The following POLR3B variants were observed in gnomAD, a reference collection of about 807,000 sequenced individuals.
The protein encoded by POLR3B is RNA polymerase III subunit B.
A neutral mutation model predicts 147.4 loss-of-function variants in POLR3B; 96 were observed. That is an observed-to-expected ratio of 0.65 (90% CI 0.55 to 0.77). The LOEUF (loss-of-function observed/expected upper bound fraction) is 0.77. POLR3B is among the 30% of genes least tolerant of loss of function. The pLI is 0.00. For missense variants in POLR3B, 1,036 were observed against 1,413.5 expected, an observed-to-expected ratio of 0.73 and a Z score of 4.28; for synonymous variants, 461 against 485.9, an observed-to-expected ratio of 0.95 and a Z score of 0.67.
chr12:106,477,273 C>T (rs111927597), intron 23 of POLR3B, among the ~76,000 whole-genome samples: 52 of 103,952 alleles, frequency 5.0e-4, no homozygotes, highest in African/African-American at 2.3e-3. Flanking sequence ...CTCTTCAAAG[C>T]TGTCAGACAG....
At chr12:106,382,571 C>T (rs902143249) in intron 9 of POLR3B, among the ~76,000 whole-genome samples, 5 of 152,194 alleles carry the variant, frequency 3.3e-5, no homozygotes, top group African/African-American at 1.2e-4. Flanking sequence ...AAACATTAAT[C>T]TCCTTGTACA....
chr12:106,372,252 G>A (rs1018176140), intron 6 of POLR3B, among the ~76,000 whole-genome samples: 8 of 151,048 alleles, frequency 5.3e-5, no homozygotes, highest in Non-Finnish European at 1.0e-4. Context: ...CTCACCTTTC[G>A]TCCCATTCCC....
chr12:106,358,272 C>G, intron 1 of POLR3B: 1 of 1,303,256 alleles, frequency 7.7e-7, no homozygotes, highest in Non-Finnish European at 9.8e-7. Flanking sequence ...GGACGTATTG[C>G]ATGTTTGCAG....
intron 16 of POLR3B, 117 bp downstream of exon 16, chr12:106,433,989 A>G: frequency 1.2e-6 from 1 of 835,120 alleles, no homozygotes; most frequent in South Asian, 1.6e-5. Flanking sequence ...GTGAAGATAA[A>G]TTTAATTCCG....
At chr12:106,469,611 T>C (rs1306743880) in intron 23 of POLR3B, among the ~76,000 whole-genome samples, 1 of 152,238 alleles carries the variant, frequency 6.6e-6, no homozygotes, top group Non-Finnish European at 1.5e-5. Flanking sequence ...CCATGTTTAG[T>C]GCTTCCTTCA....
At chr12:106,430,197 T>G (rs2037488852) in intron 13 of POLR3B, 76 bp from the exon 14 acceptor site, 2 of 1,086,974 alleles carry the variant, frequency 1.8e-6, no homozygotes, top group African/African-American at 1.5e-5. Flanking sequence ...GTAATGAACT[T>G]CTTGGAGTGA....
chr12:106,504,405 G>A lies in POLR3B; in HGVS notation c.3272+151G>A. 1 of 727,714 alleles carries A rather than the reference G, an allele frequency of 1.4e-6. No individual in the cohort carries two copies. The highest frequency in any genetic ancestry group is 2.6e-5 in the East Asian group (1 of 37,794). The allele number at this position is 727,714 out of a possible 1,614,324, so 45.1% of individuals were successfully genotyped here. ...TCATGCATGTATTCCTGTCATTGGG[G>A]ATACTCTGTGTACATGTCTCATTTG... On this transcript the variant is annotated intron_variant, in intron 27 of 27. Transcript: ENST00000228347. The surrounding 1 kb of genome is among the most constrained non-coding windows in gnomAD (Gnocchi z 4.6).
intron 1 of POLR3B, among the ~76,000 whole-genome samples, chr12:106,360,985 G>A (rs969486732): frequency 6.6e-6 from 1 of 152,150 alleles, no homozygotes; most frequent in Non-Finnish European, 1.5e-5. Context: ...GTGGTGGTGC[G>A]GAAGCATTCC....
rs367617962 is a variant in POLR3B, at chr12:106,361,564, T to C, written c.73-2306T>C. Among the ~76,000 whole-genome samples the C allele has an allele frequency of 3.3e-5, 5 of 152,196 alleles. No individual in the cohort carries two copies. The East Asian group carries it at 9.6e-4, about 29-fold the overall frequency. On this transcript the variant is annotated intron_variant, in intron 1 of 27. Coordinates refer to ENST00000228347, the MANE Select transcript of POLR3B (RefSeq NM_018082.6). ...CACTCATTTATTTATTCAGTATTTA[T>C]TGGAGTCTTTTATGTGCCAGGCACT...
At chr12:106,358,198 T>A in intron 1 of POLR3B, 2 of 1,422,584 alleles carry the variant, frequency 1.4e-6, no homozygotes, top group Non-Finnish European at 1.8e-6. Context: ...CTGCTGGCTC[T>A]AGGGTTGGAG....
In POLR3B at chr12:106,504,711, G is replaced by T. The variant is rs78976414; in HGVS notation, c.3272+457G>T. The stretch of plus-strand genomic sequence containing the variant: ...TGACAGAGCCAAGAGCCAAGACCAA[G>T]ACGACCTGGTACCCTGCCCCCTTGT... On this transcript the variant is annotated intron_variant, in intron 27 of 27. Transcript: ENST00000228347. This position sits in a 1 kb window ranked among gnomAD's most constrained non-coding sequence, Gnocchi z 4.6. Among the ~76,000 whole-genome samples the T allele has an allele frequency of 6.6e-6, 1 of 152,194 alleles. No homozygotes were observed. The highest frequency in any genetic ancestry group is 6.5e-5 in the Admixed American group (1 of 15,278).
At chr12:106,392,359 C>G (rs994836984) in intron 9 of POLR3B, among the ~76,000 whole-genome samples, 3 of 152,066 alleles carry the variant, frequency 2.0e-5, no homozygotes, top group Non-Finnish European at 4.4e-5. Context: ...GATGAGGTTT[C>G]GCCACGTTGG....
At chr12:106,409,220 A>G (rs776870287) in intron 11 of POLR3B, among the ~76,000 whole-genome samples, 1 of 152,120 alleles carries the variant, frequency 6.6e-6, no homozygotes, top group Non-Finnish European at 1.5e-5. Flanking sequence ...TGTAAATTAT[A>G]TATACTTAAA....
intron 12 of POLR3B, among the ~76,000 whole-genome samples, chr12:106,420,852 A>G (rs1166219131): frequency 6.6e-6 from 1 of 152,170 alleles, no homozygotes; most frequent in Non-Finnish European, 1.5e-5. Context: ...CAACTAGACT[A>G]TTACCAATAG....
At chr12:106,450,140 G>C (rs1246560922) in intron 19 of POLR3B, among the ~76,000 whole-genome samples, 1 of 152,146 alleles carries the variant, frequency 6.6e-6, no homozygotes, top group Non-Finnish European at 1.5e-5. Context: ...ATCCAGTGGA[G>C]AGTAAAGTCT....
chr12:106,387,775 C>T (rs569106797), intron 9 of POLR3B, among the ~76,000 whole-genome samples: 2 of 152,136 alleles, frequency 1.3e-5, no homozygotes, highest in Non-Finnish European at 2.9e-5. Flanking sequence ...GGCATATTTT[C>T]CAGTCTCTTT....
intron 23 of POLR3B, among the ~76,000 whole-genome samples, chr12:106,470,928 G>A (rs2038082662): frequency 6.6e-6 from 1 of 152,134 alleles, no homozygotes; most frequent in Non-Finnish European, 1.5e-5. Flanking sequence ...GGACCTACTT[G>A]AGGAGGCAGT....
intron 4 of POLR3B, 119 bp from the exon 5 acceptor site, chr12:106,369,156 A>T (rs1454001453): frequency 1.1e-4 from 79 of 750,476 alleles, no homozygotes; most frequent in Non-Finnish European, 1.5e-5. Flanking sequence ...TTAATTTGTC[A>T]TCCTTACCAA....
At chr12:106,461,249 A>ATG in intron 22 of POLR3B, among the ~76,000 whole-genome samples, 1 of 152,016 alleles carries the variant, frequency 6.6e-6, no homozygotes, top group Admixed American at 6.6e-5. Context: ...ACACACCACC[A>ATG]CACTCAGCTA....
Sources: allele counts gnomAD v4.1 joint callset (sites outside exome capture counted in the v4.1 genomes callset), GRCh38; gene constraint gnomAD v4.1.1; non-coding constraint Gnocchi (gnomAD v3.1); transcripts MANE v1.5; gene names NCBI Gene and HGNC (gene_info 2026-07-23, HGNC 2026-07-21).